The following PALB2 variants were observed in gnomAD, a reference collection of about 807,000 sequenced individuals.
The protein encoded by PALB2 is partner and localizer of BRCA2, also known as mutant partner and localizer of BRCA2.
Under a neutral mutation model 107.4 loss-of-function variants are expected in PALB2, and 82 were observed. The observed-to-expected ratio is 0.76, with a 90% CI of 0.64 to 0.92. The LOEUF (loss-of-function observed/expected upper bound fraction) is 0.92, where lower values mean the gene tolerates loss of function less well. Ranked by LOEUF, PALB2 falls within the 40% of genes least tolerant of loss-of-function variation. The probability of loss-of-function intolerance (pLI) is 0.00; values close to 1 mark genes in which losing one functional copy is unlikely to be tolerated. For missense variants in PALB2, 1,374 were observed against 1,379.9 expected, an observed-to-expected ratio of 1.00 and a Z score of 0.07; for synonymous variants, 489 against 496.8, an observed-to-expected ratio of 0.98 and a Z score of 0.21.
Position 23,630,211 on chromosome 16 carries a change from A to C in PALB2, c.1943T>G (p.Leu648Arg). ...TGGAAAAATACAGCTTCCCTCTTTA[A>C]GATGTCTCTCTCCAAACATTTTTGA... ...FESKMFGERH[L>R]KEGSCIFPEE... is the part of the protein sequence containing the mutation. The change falls in exon 5 of 13, where the codon CTT becomes CGT. Residue 648 changes from leucine (L) to arginine (R), a missense_variant. Coordinates refer to ENST00000261584, the MANE Select transcript of PALB2 (RefSeq NM_024675.4). The C allele has an allele frequency of 6.2e-7, 1 of 1,614,070 alleles. No individual in the cohort carries two copies. The highest frequency in any genetic ancestry group is 8.5e-7 in the Non-Finnish European group (1 of 1,179,988).
chr16:23,611,426 G>A (rs536497648), intron 11 of PALB2, among the ~76,000 whole-genome samples: 6 of 151,250 alleles, frequency 4.0e-5, no homozygotes, highest in East Asian at 2.0e-4. Flanking sequence ...GATTACAGGC[G>A]TGAGCCACCA....
intron 9 of PALB2, among the ~76,000 whole-genome samples, chr16:23,622,189 C>CTT (rs1297920823): frequency 6.6e-6 from 1 of 152,086 alleles, no homozygotes; most frequent in Non-Finnish European, 1.5e-5. Flanking sequence ...GTTCAGTTTG[C>CTT]AACATTTTGA....
chr16:23,641,079 C>G (rs1321652679), intron 1 of PALB2, 31 bp downstream of exon 1: 2 of 1,610,628 alleles, frequency 1.2e-6, no homozygotes, highest in African/African-American at 2.7e-5. Flanking sequence ...GGGTCAGAGT[C>G]CTGCGTCCGC....
rs1060502742 is a variant in PALB2 at position 23,635,911 on chromosome 16, G to T, written c.635C>A (p.Pro212Gln). ...LKSELPDSPE[P>Q]VTEINEDSVL... is the part of the protein sequence containing the mutation. ...ACTGTCTTCATTAATTTCTGTAACT[G>T]GTTCTGGAGAATCTGGAAGTTCAGA... The change falls in exon 4 of 13, where the codon CCA becomes CAA. Residue 212 changes from proline to glutamine, a missense_variant. Coordinates refer to ENST00000261584, the MANE Select transcript of PALB2 (RefSeq NM_024675.4). 1 of 1,614,106 alleles carries T rather than the reference G, an allele frequency of 6.2e-7. No individual in the cohort carries two copies. The highest frequency in any genetic ancestry group is 1.1e-5 in the South Asian group (1 of 91,082).
At chr16:23,606,805 G>A (rs1966484175) in intron 12 of PALB2, among the ~76,000 whole-genome samples, 1 of 144,496 alleles carries the variant, frequency 6.9e-6, no homozygotes, top group African/African-American at 2.6e-5. Context: ...TTACAGGCGT[G>A]AGCCACTGCA....
chr16:23,608,494 C>G (rs1966522392), intron 11 of PALB2, among the ~76,000 whole-genome samples: 1 of 152,078 alleles, frequency 6.6e-6, no homozygotes, highest in South Asian at 2.1e-4. Context: ...GAAATATTGG[C>G]AAAGAGAGAA....
intron 10 of PALB2, among the ~76,000 whole-genome samples, chr16:23,620,350 C>T (rs920734181): frequency 2.0e-5 from 3 of 152,108 alleles, no homozygotes; most frequent in African/African-American, 4.8e-5. Flanking sequence ...CTAGCAGCTG[C>T]GATCACCCTG....
At chr16:23,641,008 T>A (rs993631705) in intron 1 of PALB2, 102 bp downstream of exon 1, 1 of 1,353,000 alleles carries the variant, frequency 7.4e-7, no homozygotes, top group East Asian at 2.5e-5. Flanking sequence ...GGTGGTCAGA[T>A]GATACTGCTG....
At chr16:23,612,862 C>T (rs1966612266) in intron 11 of PALB2, among the ~76,000 whole-genome samples, 1 of 152,074 alleles carries the variant, frequency 6.6e-6, no homozygotes, top group Non-Finnish European at 1.5e-5. Flanking sequence ...AAGCAATTCT[C>T]TTTCCTCAGT....
In PALB2 at chr16:23,626,404, C is replaced by T. The variant is rs932395531; in HGVS notation, c.2587-7G>A. 1.2e-6 allele frequency: 2 copies of T among 1,613,970 alleles called. No individual in the cohort carries two copies. Among genetic ancestry groups the T allele is most frequent in the Middle Eastern group, 1.6e-4 (1 of 6,084 alleles). ...AACAGGAACCTGAAGGATTCTGACA[C>T]AATGGCAACAGTTCTGTTAAAGTGG... On this transcript the variant is annotated splice_region_variant and splice_polypyrimidine_tract_variant and intron_variant, in intron 6 of 12. Coordinates refer to ENST00000261584, the MANE Select transcript of PALB2 (RefSeq NM_024675.4).
In PALB2 at chr16:23,635,283, C is replaced by T. The variant is rs876660359; in HGVS notation, c.1263G>A (p.Arg421=). The change falls in exon 4 of 13, where the codon AGG becomes AGA. Residue 421 remains arginine (R), a synonymous_variant. Coordinates refer to ENST00000261584, the MANE Select transcript of PALB2 (RefSeq NM_024675.4). The part of the protein sequence containing the change: ...RTTRSMSNCQ[R]KVAVEAVIQS... Reference sequence around the variant, plus strand: ...GAATGACAGCCTCCACGGCTACTTTCCTCTGGCAATTGGACATGCTTCGTG... The same window carrying T: ...GAATGACAGCCTCCACGGCTACTTTTCTCTGGCAATTGGACATGCTTCGTG... 6.2e-7 allele frequency: 1 copy of T among 1,614,032 alleles called. No homozygotes were observed. The highest frequency in any genetic ancestry group is 1.3e-5 in the African/African-American group (1 of 74,936).
rs61756147 is a variant in PALB2 at position 23,636,248 on chromosome 16, G to A, written c.298C>T (p.Leu100Phe). The change falls in exon 4 of 13, where the codon CTT (leucine) becomes TTT (phenylalanine). Residue 100 changes from leucine to phenylalanine, a missense_variant. Transcript: ENST00000261584. ...TTAAAGGACTCAGGCCCAACATCAAGTGTGATAGATGTCTTTTCTCCAGTT... is the reference window on the plus strand; with the variant it reads ...TTAAAGGACTCAGGCCCAACATCAAATGTGATAGATGTCTTTTCTCCAGTT... Reference protein sequence around the residue: ...EETGEKTSITLDVGPESFNPG... With the variant: ...EETGEKTSITFDVGPESFNPG... The A allele has an allele frequency of 3.4e-4, 555 of 1,613,770 alleles. No homozygotes were observed. Among genetic ancestry groups the A allele is most frequent in the Non-Finnish European group, 4.3e-4 (508 of 1,179,914 alleles).
At chr16:23,613,356 C>A (rs1307317430) in intron 11 of PALB2, among the ~76,000 whole-genome samples, 1 of 152,042 alleles carries the variant, frequency 6.6e-6, no homozygotes, top group Non-Finnish European at 1.5e-5. Context: ...AAGAGTAAAG[C>A]ATGTTAGCTG....
At chr16:23,606,745 G>A (rs1320903943) in intron 12 of PALB2, among the ~76,000 whole-genome samples, 2 of 151,008 alleles carry the variant, frequency 1.3e-5, no homozygotes, top group Non-Finnish European at 2.9e-5. Flanking sequence ...GGCTGGTCTC[G>A]AACTCCTGAC....
At chr16:23,638,873 C>T (rs1395053453) in intron 1 of PALB2, among the ~76,000 whole-genome samples, 2 of 152,088 alleles carry the variant, frequency 1.3e-5, no homozygotes, top group Admixed American at 6.5e-5. Flanking sequence ...TCAGAGGGAA[C>T]GGTACCCCAG....
intron 11 of PALB2, among the ~76,000 whole-genome samples, chr16:23,608,795 T>TACACACACACACACACACACAC (rs1421547760): frequency 3.5e-5 from 4 of 113,250 alleles, no homozygotes; most frequent in African/African-American, 1.4e-4. Flanking sequence ...TATGTGTGTA[T>TACACACACACACACACACACAC]ATATATACAC....
In PALB2 at chr16:23,634,888, T is replaced by C. The variant is rs1482172344; in HGVS notation, c.1658A>G (p.His553Arg). The change falls in exon 4 of 13, where the codon CAC becomes CGC. Residue 553 changes from histidine (H) to arginine (R), a missense_variant. Physicochemically the swap from His to Arg is conservative, Grantham distance 29. Coordinates refer to ENST00000261584, the MANE Select transcript of PALB2 (RefSeq NM_024675.4). Reference sequence around the variant, plus strand: ...TTTCACTTGAATAAATAATTTTTCGTGCTGATATTTGTGTGAGGTGACTTC... The same window carrying C: ...TTTCACTTGAATAAATAATTTTTCGCGCTGATATTTGTGTGAGGTGACTTC... ...KEEVTSHKYQ[H>R]EKLFIQVKGK... The C allele has an allele frequency of 6.2e-7, 1 of 1,613,932 alleles. No individual in the cohort carries two copies. The highest frequency in any genetic ancestry group is 8.5e-7 in the Non-Finnish European group (1 of 1,179,932).
At chr16:23,624,554 C>T (rs1029897392) in intron 7 of PALB2, among the ~76,000 whole-genome samples, 18 of 152,148 alleles carry the variant, frequency 1.2e-4, no homozygotes, top group African/African-American at 4.3e-4. Context: ...ACTCTTGTTG[C>T]CCAGCCTTGA....
At chr16:23,636,812 A>C (rs1398391205) in intron 3 of PALB2, among the ~76,000 whole-genome samples, 1 of 152,126 alleles carries the variant, frequency 6.6e-6, no homozygotes, top group Non-Finnish European at 1.5e-5. Context: ...CCCTTGGCTC[A>C]AGTAATTTTA....
Sources: gnomAD v4.1 joint callset for allele counts (sites outside exome capture counted in the v4.1 genomes callset) on GRCh38, gnomAD v4.1.1 for gene constraint, MANE v1.5 for transcripts, NCBI Gene and HGNC (gene_info 2026-07-23, HGNC 2026-07-21) for gene names.